The following DAZAP1 variants were observed in gnomAD, a reference collection of about 807,000 sequenced individuals.
The protein encoded by DAZAP1 is DAZ associated protein 1.
Under a neutral mutation model 60.1 loss-of-function variants are expected in DAZAP1, and 6 were observed. The observed-to-expected ratio is 0.10, with a 90% confidence interval of 0.05 to 0.20. DAZAP1 has a LOEUF of 0.20. DAZAP1 is among the 10% of genes least tolerant of loss of function. DAZAP1 has a pLI of 1.00. For synonymous variants in DAZAP1, 235 were observed against 215.9 expected, an observed-to-expected ratio of 1.09 and a Z score of -0.78; for missense variants, 366 against 560.4, an observed-to-expected ratio of 0.65 and a Z score of 3.50.
rs942927471 is a variant in DAZAP1 at position 1,422,149 on chromosome 19, G to A, written c.415-199G>A. The stretch of plus-strand genomic sequence containing the variant: ...CCTGGAGCTGCTTCTCCCTGCCTGC[G>A]TCTGGCCCTGGGAGTGTTGGGGCTC... On this transcript the variant is annotated intron_variant, in intron 5 of 11. Coordinates refer to ENST00000233078, the MANE Select transcript of DAZAP1 (RefSeq NM_018959.4). This position sits in a 1 kb window ranked among gnomAD's most constrained non-coding sequence, Gnocchi z 4.5. Among the ~76,000 whole-genome samples, 1 of 152,370 alleles carries A rather than the reference G, an allele frequency of 6.6e-6. No homozygotes were observed. Among genetic ancestry groups the A allele is most frequent in the South Asian group, 2.1e-4 (1 of 4,830 alleles).
At chr19:1,414,240 A>G (rs2082910747) in intron 1 of DAZAP1, among the ~76,000 whole-genome samples, 1 of 151,400 alleles carries the variant, frequency 6.6e-6, no homozygotes, top group Admixed American at 6.6e-5. Context: ...CTGGTCTCGA[A>G]CTCCTGACCT....
Position 1,433,690 on chromosome 19 carries a change from C to G in DAZAP1, c.1048+1000C>G. ...GGCGTGGCGTGTGTCAGCCGCTGCTCTTGGTGGCGGCTGCTTGGGTTGGTC... is the reference window on the plus strand; with the variant it reads ...GGCGTGGCGTGTGTCAGCCGCTGCTGTTGGTGGCGGCTGCTTGGGTTGGTC... On this transcript the variant is annotated intron_variant, in intron 11 of 11. Transcript: ENST00000233078. This position sits in a 1 kb window ranked among gnomAD's most constrained non-coding sequence, Gnocchi z 6.1. 6.6e-7 allele frequency: 1 copy of G among 1,509,294 alleles called. No homozygotes were observed. The highest frequency in any genetic ancestry group is 1.1e-5 in the South Asian group (1 of 88,904). The allele number at this position is 1,509,294 out of a possible 1,614,324, so 93.5% of individuals were successfully genotyped here. A position where few individuals can be genotyped will look rare whatever the true frequency, so the allele number is the denominator to read the frequency against.
Position 1,426,042 on chromosome 19 carries a change from CT to C in DAZAP1, c.546+84del. 9.5e-7 allele frequency: 1 copy of C among 1,051,634 alleles called. No individual in the cohort carries two copies. Among genetic ancestry groups the C allele is most frequent in the Non-Finnish European group, 1.5e-6 (1 of 668,088 alleles). 65.1% of individuals were successfully genotyped at this position (1,051,634 alleles called of 1,614,324 possible). ...GGGGTTTCACTGGAAAGGAACATTC[CT>C]TCACGGAAAGGGTCGGGCGAGTTCG... is the stretch of plus-strand genomic sequence containing the variant. On this transcript the variant is annotated intron_variant, in intron 7 of 11. Transcript: ENST00000233078. The surrounding 1 kb of genome is among the most constrained non-coding windows in gnomAD (Gnocchi z 5.4).
intron 1 of DAZAP1, among the ~76,000 whole-genome samples, chr19:1,414,792 A>G (rs989679153): frequency 5.2e-4 from 79 of 151,850 alleles, no homozygotes; most frequent in African/African-American, 1.9e-3. Flanking sequence ...AGTATTTTTT[A>G]TTTTTTTAAT....
At chr19:1,427,582 T>G (rs569756175) in intron 7 of DAZAP1, 7 of 152,394 alleles carry the variant, frequency 4.6e-5, no homozygotes, top group Non-Finnish European at 7.3e-5. Context: ...GAAAGAATTT[T>G]TTTTTGTTTT....
At position 1,422,350 on chromosome 19, in the gene DAZAP1, C is replaced by A. The variant is rs1464079971; in HGVS notation, c.417C>A (p.Val139=). The A allele has an allele frequency of 6.2e-7, 1 of 1,614,080 alleles. No homozygotes were observed. Among genetic ancestry groups the A allele is most frequent in the South Asian group, 1.1e-5 (1 of 91,078 alleles). ...LREYFKKFGV[V]TEVVMIYDAE... ...CTGACGCCACCCTCTCCTTCCAGGT[C>A]ACGGAGGTAGTCATGATCTATGACG... is the stretch of plus-strand genomic sequence containing the variant. Residue 139 remains valine (V), a splice_region_variant and synonymous_variant, in exon 6 of 12, where the codon GTC becomes GTA. Transcript: ENST00000233078. This position sits in a 1 kb window ranked among gnomAD's most constrained non-coding sequence, Gnocchi z 4.5.
chr19:1,431,512 C>G (rs772701955), intron 10 of DAZAP1, among the ~76,000 whole-genome samples: 1 of 152,044 alleles, frequency 6.6e-6, no homozygotes, highest in African/African-American at 2.4e-5. Flanking sequence ...TCACTACAAC[C>G]TCTGCCTCCT....
In DAZAP1 at chr19:1,423,308, A is replaced by G. The variant is rs1355771563; in HGVS notation, c.463+912A>G. On this transcript the variant is annotated intron_variant, in intron 6 of 11. Transcript: ENST00000233078. This position sits in a 1 kb window ranked among gnomAD's most constrained non-coding sequence, Gnocchi z 6.8. ...GTCTTAGTCGTAACTTAATTTAGAC[A>G]TACATGCTTAGTGACGTACTTAAGT... Among the ~76,000 whole-genome samples, 1 of 152,262 alleles carries G rather than the reference A, an allele frequency of 6.6e-6. No homozygotes were observed. Among genetic ancestry groups the G allele is most frequent in the Non-Finnish European group, 1.5e-5 (1 of 68,040 alleles).
rs771840098 is a variant in DAZAP1, at chr19:1,430,205, C to T, written c.731-17C>T. The T allele has an allele frequency of 2.6e-5, 42 of 1,589,142 alleles. No homozygotes were observed. In the East Asian group the frequency reaches 4.0e-4, roughly 15 times the overall value. On this transcript the variant is annotated splice_polypyrimidine_tract_variant and intron_variant, in intron 9 of 11. Transcript: ENST00000233078. Reference sequence around the variant, plus strand: ...TCCAGCGCTCTCTGTCCATCACCCCCGTACTGTGTGTTTCAGGTGGCTATG... The same window carrying T: ...TCCAGCGCTCTCTGTCCATCACCCCTGTACTGTGTGTTTCAGGTGGCTATG...
At chr19:1,431,507 A>G (rs1483715721) in intron 10 of DAZAP1, among the ~76,000 whole-genome samples, 3 of 148,866 alleles carry the variant, frequency 2.0e-5, no homozygotes, top group Non-Finnish European at 3.0e-5. Context: ...TTGGCTCACT[A>G]CAACCTCTGC....
intron 1 of DAZAP1, among the ~76,000 whole-genome samples, chr19:1,410,605 C>G (rs1276148706): frequency 6.6e-6 from 1 of 152,190 alleles, no homozygotes; most frequent in African/African-American, 2.4e-5. Flanking sequence ...ACAGCGCGGC[C>G]GGGGTCGCCA....
At chr19:1,409,578 G>C (rs997085108) in intron 1 of DAZAP1, among the ~76,000 whole-genome samples, 1 of 152,264 alleles carries the variant, frequency 6.6e-6, no homozygotes, top group Non-Finnish European at 1.5e-5. Context: ...TGCTTTCTAA[G>C]TCAGACTCCT....
intron 1 of DAZAP1, chr19:1,409,997 CA>C (rs1331447990): frequency 1.3e-5 from 2 of 152,350 alleles, no homozygotes; most frequent in African/African-American, 4.8e-5. Flanking sequence ...GTCAACGCCT[CA>C]GGAGACTTGG....
rs1422739060 is a variant in DAZAP1 at position 1,422,504 on chromosome 19, C to T, written c.463+108C>T. ...AGGTGGCGGCTGTAGCAAACAGCCT[C>T]AGGAAGGGACGATTTGGAGACAAAT... On this transcript the variant is annotated intron_variant, in intron 6 of 11. Coordinates refer to ENST00000233078, the MANE Select transcript of DAZAP1 (RefSeq NM_018959.4). This position sits in a 1 kb window ranked among gnomAD's most constrained non-coding sequence, Gnocchi z 4.5. 1 of 990,356 alleles carries T rather than the reference C, an allele frequency of 1.0e-6. No homozygotes were observed. The highest frequency in any genetic ancestry group is 1.6e-5 in the African/African-American group (1 of 61,438). 61.3% of individuals were successfully genotyped at this position (990,356 alleles called of 1,614,324 possible). A position where few individuals can be genotyped will look rare whatever the true frequency, so the allele number is the denominator to read the frequency against.
chr19:1,430,403 C>T (rs1184167634), intron 10 of DAZAP1, 41 bp downstream of exon 10: 17 of 1,460,000 alleles, frequency 1.2e-5, no homozygotes, highest in Non-Finnish European at 1.4e-5. Context: ...CCCGCCTGCT[C>T]CGGAGATGCC....
chr19:1,421,174 T>G lies in DAZAP1; in HGVS notation c.330T>G (p.Ser110Arg). 6.2e-7 allele frequency: 1 copy of G among 1,614,174 alleles called. No individual in the cohort carries two copies. Among genetic ancestry groups the G allele is most frequent in the Non-Finnish European group, 8.5e-7 (1 of 1,180,016 alleles). Residue 110 changes from serine to arginine, a missense_variant, in exon 5 of 12, where the codon AGT (serine) becomes AGG (arginine). By Grantham distance (110) the Ser-to-Arg change is moderately radical (BLOSUM62 -1). Coordinates refer to ENST00000233078, the MANE Select transcript of DAZAP1 (RefSeq NM_018959.4). ...GWQKGPRSDN[S>R]KSNKIFVGGI... ...AGAAAGGACCCAGGAGCGATAACAGTAAATCAAATAAGATATTTGTCGGTG... is the reference window on the plus strand; with the variant it reads ...AGAAAGGACCCAGGAGCGATAACAGGAAATCAAATAAGATATTTGTCGGTG...
At chr19:1,408,432 C>T (rs1569025581) in intron 1 of DAZAP1, among the ~76,000 whole-genome samples, 1 of 152,236 alleles carries the variant, frequency 6.6e-6, no homozygotes, top group Non-Finnish European at 1.5e-5. Flanking sequence ...CCAGCGCGCG[C>T]CCAAACTTGG....
chr19:1,412,579 G>A lies in DAZAP1; in HGVS notation c.29+4777G>A, dbSNP rs573644958. Among the ~76,000 whole-genome samples the A allele has an allele frequency of 2.6e-5, 4 of 152,350 alleles. No individual in the cohort carries two copies. In the South Asian group the frequency reaches 8.3e-4, roughly 32 times the overall value. On this transcript the variant is annotated intron_variant, in intron 1 of 11. Transcript: ENST00000233078. ...GAGGCTGCTGGCCCCGAATGGCCGG[G>A]CTGGCCGCCGGTTTTTGAAGCCCAC... is the stretch of plus-strand genomic sequence containing the variant.
chr19:1,431,306 T>C (rs2083446091), intron 10 of DAZAP1, among the ~76,000 whole-genome samples: 1 of 150,274 alleles, frequency 6.7e-6, no homozygotes, highest in African/African-American at 2.5e-5. Context: ...TTTTTTTGTA[T>C]TTTTAGTAGA....
Sources: gnomAD v4.1 joint callset for allele counts (sites outside exome capture counted in the v4.1 genomes callset) on GRCh38, gnomAD v4.1.1 for gene constraint, Gnocchi (gnomAD v3.1) non-coding constraint, MANE v1.5 for transcripts, NCBI Gene and HGNC (gene_info 2026-07-23, HGNC 2026-07-21) for gene names.